The following SLC2A12 variants were observed in gnomAD, a reference collection of about 807,000 sequenced individuals.
SLC2A12 encodes the protein solute carrier family 2 member 12.
SLC2A12 carries 23 observed loss-of-function variants against 41.8 expected under a neutral mutation model. The ratio of observed to expected loss-of-function variants is 0.55; its 90% CI spans 0.40 to 0.78. SLC2A12 has a LOEUF of 0.78. Ranked by LOEUF, SLC2A12 falls within the 30% of genes least tolerant of loss-of-function variation. SLC2A12 has a pLI of 0.00. For missense variants in SLC2A12, 654 were observed against 745.6 expected (o/e 0.88, Z 1.43); for synonymous variants, 295 against 285.9 (o/e 1.03, Z -0.32).
intron 2 of SLC2A12, among the ~76,000 whole-genome samples, chr6:134,026,107 T>C (rs1454407864): frequency 6.6e-6 from 1 of 152,200 alleles, no homozygotes; most frequent in Non-Finnish European, 1.5e-5. Context: ...CCTTTTAACC[T>C]GAGAGGTTTT....
At chr6:134,007,900 C>A (rs553106716) in intron 2 of SLC2A12, among the ~76,000 whole-genome samples, 142 of 152,284 alleles carry the variant, frequency 9.3e-4, no homozygotes, top group African/African-American at 3.4e-3. Context: ...ACAAACGTGG[C>A]ATTATCCCTA....
chr6:134,017,862 G>GAA (rs1199696113), intron 2 of SLC2A12, among the ~76,000 whole-genome samples: 14 of 110,264 alleles, frequency 1.3e-4, no homozygotes, highest in African/African-American at 4.0e-4. Flanking sequence ...TGTCTCAAAA[G>GAA]AAAAAAAAAA....
At chr6:134,017,163 C>T (rs9373077) in intron 2 of SLC2A12, among the ~76,000 whole-genome samples, 1 of 151,968 alleles carries the variant, frequency 6.6e-6, no homozygotes, top group Non-Finnish European at 1.5e-5. Context: ...TTTTAAATGG[C>T]CTTCATTTTA....
chr6:134,016,872 T>C (rs1776969350), intron 2 of SLC2A12, among the ~76,000 whole-genome samples: 1 of 152,224 alleles, frequency 6.6e-6, no homozygotes, highest in Non-Finnish European at 1.5e-5. Flanking sequence ...ATTGAAATAT[T>C]TCTATAACCT....
chr6:134,026,434 C>A (rs1422041591), intron 2 of SLC2A12, among the ~76,000 whole-genome samples: 1 of 151,656 alleles, frequency 6.6e-6, no homozygotes, highest in African/African-American at 2.4e-5. Flanking sequence ...TGAAGAGTTT[C>A]TTGAAATAAA....
intron 4 of SLC2A12, among the ~76,000 whole-genome samples, chr6:133,995,110 C>T (rs567486197): frequency 2.0e-5 from 3 of 152,160 alleles, no homozygotes; most frequent in African/African-American, 2.4e-5. Flanking sequence ...GTGATGACAG[C>T]GAATATAGAC....
intron 1 of SLC2A12, among the ~76,000 whole-genome samples, chr6:134,040,287 C>G (rs1267828526): frequency 6.6e-6 from 1 of 152,032 alleles, no homozygotes; most frequent in Non-Finnish European, 1.5e-5. Flanking sequence ...TCATGTTGCT[C>G]AGGCTGGTCT....
At position 134,002,071 on chromosome 6, in the gene SLC2A12, C is replaced by T. The variant is rs778418894; in HGVS notation, c.1626G>A (p.Leu542=). 1.1e-5 allele frequency: 18 copies of T among 1,604,240 alleles called. No individual in the cohort carries two copies. The highest frequency in any genetic ancestry group is 1.5e-5 in the Non-Finnish European group (18 of 1,177,326). The change falls in exon 4 of 5, where the codon CTG becomes CTA. Residue 542 remains leucine, a synonymous_variant. Coordinates refer to ENST00000275230, the MANE Select transcript of SLC2A12 (RefSeq NM_145176.3). The part of the protein sequence containing the change: ...FIYTIMSLAS[L]LFVVMFIPET... ...CAGGTATAAACATAACAACAAAAAG[C>T]AGGGATGCTAGACTCATGATTGTAT... is the stretch of plus-strand genomic sequence containing the variant.
At chr6:134,049,543 C>T (rs758032657) in intron 1 of SLC2A12, among the ~76,000 whole-genome samples, 4 of 152,270 alleles carry the variant, frequency 2.6e-5, no homozygotes, top group South Asian at 2.1e-4. Context: ...TTGCTCCATC[C>T]GTCTAATATC....
intron 2 of SLC2A12, among the ~76,000 whole-genome samples, chr6:134,022,309 T>C (rs1777050914): frequency 6.6e-6 from 1 of 152,124 alleles, no homozygotes; most frequent in Non-Finnish European, 1.5e-5. Flanking sequence ...GGTGGGTAGA[T>C]CACTTGAGGT....
chr6:134,015,284 G>T (rs371271809), intron 2 of SLC2A12, among the ~76,000 whole-genome samples: 15 of 152,086 alleles, frequency 9.9e-5, no homozygotes, highest in African/African-American at 3.1e-4. Flanking sequence ...GGGGGATGGG[G>T]ACCAACACAC....
intron 2 of SLC2A12, among the ~76,000 whole-genome samples, chr6:134,027,699 C>G (rs919313180): frequency 1.3e-5 from 2 of 152,160 alleles, no homozygotes; most frequent in Non-Finnish European, 1.5e-5. Flanking sequence ...GTAAATCCAT[C>G]TCTAAAAGAG....
chr6:134,006,080 G>C (rs1297381185), intron 3 of SLC2A12, among the ~76,000 whole-genome samples: 4 of 149,374 alleles, frequency 2.7e-5, no homozygotes, highest in African/African-American at 4.9e-5. Context: ...GCTGAGGCAA[G>C]AGAATCATTT....
chr6:134,003,236 T>C (rs1002677475), intron 3 of SLC2A12, among the ~76,000 whole-genome samples: 1 of 152,200 alleles, frequency 6.6e-6, no homozygotes, highest in East Asian at 1.9e-4. Context: ...GCAGTTCTTT[T>C]GGCAATTTTA....
chr6:133,998,344 A>G (rs963609673), intron 4 of SLC2A12, among the ~76,000 whole-genome samples: 1 of 152,212 alleles, frequency 6.6e-6, no homozygotes, highest in Non-Finnish European at 1.5e-5. Context: ...TGGCAACCCT[A>G]TATGAAAAAA....
chr6:134,041,957 G>A (rs945300896), intron 1 of SLC2A12, among the ~76,000 whole-genome samples: 3 of 152,086 alleles, frequency 2.0e-5, no homozygotes, highest in Non-Finnish European at 4.4e-5. Flanking sequence ...TTTGAAAACC[G>A]ACATCTCCGA....
At chr6:134,034,071 TCA>T (rs1431993784) in intron 1 of SLC2A12, among the ~76,000 whole-genome samples, 3 of 152,188 alleles carry the variant, frequency 2.0e-5, no homozygotes, top group Non-Finnish European at 4.4e-5. Flanking sequence ...GTATAATTCT[TCA>T]GAGACATTAA....
rs1449614185 is a variant in SLC2A12 at position 134,036,090 on chromosome 6, A to C, written c.104-6369T>G. ...CATATGCCTTTTATTGCATATGGAC[A>C]TAATGGGCACGCAATAAACACTTGC... On this transcript the variant is annotated intron_variant, in intron 1 of 4. Coordinates refer to ENST00000275230, the MANE Select transcript of SLC2A12 (RefSeq NM_145176.3). Among the ~76,000 whole-genome samples, 3 of 152,222 alleles carry C rather than the reference A, an allele frequency of 2.0e-5. No homozygotes were observed. In the East Asian group the frequency reaches 5.8e-4, roughly 29 times the overall value.
At chr6:134,022,543 GA>G (rs1230283986) in intron 2 of SLC2A12, among the ~76,000 whole-genome samples, 8 of 24,028 alleles carry the variant, frequency 3.3e-4, no homozygotes, top group Admixed American at 9.5e-4. Context: ...AAAAAGAAAA[GA>G]AAAGAAAAGA....
Sources: allele counts gnomAD v4.1 joint callset (sites outside exome capture counted in the v4.1 genomes callset), GRCh38; gene constraint gnomAD v4.1.1; transcripts MANE v1.5; gene names NCBI Gene and HGNC (gene_info 2026-07-23, HGNC 2026-07-21).